Variants in TEX50 observed in about 807,000 individuals in gnomAD.
TEX50 encodes testis expressed 50, also known as testis-expressed protein 50.
A neutral mutation model predicts 9.8 loss-of-function variants in TEX50; 3 were observed. That is an observed-to-expected ratio of 0.31 (90% CI 0.14 to 0.79). TEX50 has a LOEUF of 0.79. TEX50 is among the 30% of genes least tolerant of loss of function. TEX50 has a pLI of 0.63. For synonymous variants in TEX50, 61 were observed against 72.1 expected, an observed-to-expected ratio of 0.85 and a Z score of 0.78; for missense variants, 164 against 199.3, an observed-to-expected ratio of 0.82 and a Z score of 1.07.
chr1:173,635,955 T>C (rs1315460893), intron 1 of TEX50, 110 bp downstream of exon 1: 9 of 756,818 alleles, frequency 1.2e-5, no homozygotes, highest in Non-Finnish European at 1.5e-5. Context: ...CATTGTAACC[T>C]TCCCCCAACT....
Position 173,637,045 on chromosome 1 carries a change from A to C in TEX50, c.*9A>C, listed in dbSNP as rs1283440772. On this transcript the variant is annotated 3_prime_UTR_variant, in exon 2 of 2. Coordinates refer to ENST00000417563, the MANE Select transcript of TEX50 (RefSeq NM_001195190.3). ...GAGCCAGAAGATACTAAATAAATGC[A>C]TATGCAAATGTAGCTTAGTCAATTA... 5 of 1,453,470 alleles carry C rather than the reference A, an allele frequency of 3.4e-6. No homozygotes were observed. The highest frequency in any genetic ancestry group is 2.8e-6 in the Non-Finnish European group (3 of 1,073,658). The allele number at this position is 1,453,470 out of a possible 1,614,324, so 90.0% of individuals were successfully genotyped here.
Position 173,637,079 on chromosome 1 carries a change from A to C in TEX50, c.*43A>C. 26 of 1,251,260 alleles carry C rather than the reference A, an allele frequency of 2.1e-5. No homozygotes were observed. Among genetic ancestry groups the C allele is most frequent in the Non-Finnish European group, 2.8e-5 (25 of 899,234 alleles). 77.5% of individuals were successfully genotyped at this position (1,251,260 alleles called of 1,614,324 possible). On this transcript the variant is annotated 3_prime_UTR_variant, in exon 2 of 2. Coordinates refer to ENST00000417563, the MANE Select transcript of TEX50 (RefSeq NM_001195190.3). ...TGTAGCTTAGTCAATTATAGATATC[A>C]CAAAAGAAATCTATCATCTAAGGAT...
rs975951545 is a variant in TEX50, at chr1:173,635,769, T to C, written c.248T>C (p.Leu83Ser). The C allele has an allele frequency of 2.0e-6, 3 of 1,535,460 alleles. No individual in the cohort carries two copies. The highest frequency in any genetic ancestry group is 2.6e-6 in the Non-Finnish European group (3 of 1,146,464). ...QGCLYLIYNL[L>S]QAVFFVLFVL... is the part of the protein sequence containing the mutation. ...TGTTTATATCTCATTTATAATTTATTACAAGCTGTCTTCTTCGTCTTATTT... is the reference window on the plus strand; with the variant it reads ...TGTTTATATCTCATTTATAATTTATCACAAGCTGTCTTCTTCGTCTTATTT... Residue 83 changes from leucine (L) to serine (S), a missense_variant, in exon 1 of 2, where the codon TTA becomes TCA. Transcript: ENST00000417563.
In TEX50 at chr1:173,635,545, G is replaced by A; in HGVS notation, c.24G>A (p.Leu8=). The A allele has an allele frequency of 6.5e-7, 1 of 1,531,340 alleles. No homozygotes were observed. The highest frequency in any genetic ancestry group is 8.7e-7 in the Non-Finnish European group (1 of 1,144,050). 94.9% of individuals were successfully genotyped at this position (1,531,340 alleles called of 1,614,324 possible). A position where few individuals can be genotyped will look rare whatever the true frequency, so the allele number is the denominator to read the frequency against. Residue 8 remains leucine (L), a synonymous_variant, in exon 1 of 2, where the codon CTG becomes CTA. Coordinates refer to ENST00000417563, the MANE Select transcript of TEX50 (RefSeq NM_001195190.3). MSNQRLP[L]IFSLLFICFF... ...GGATGTCTAATCAAAGACTACCGCT[G>A]ATTTTTTCTCTGTTGTTTATCTGCT...
In TEX50 at chr1:173,635,652, A is replaced by G. The variant is rs1331931336; in HGVS notation, c.131A>G (p.Tyr44Cys). The G allele has an allele frequency of 6.5e-7, 1 of 1,535,686 alleles. No individual in the cohort carries two copies. Among genetic ancestry groups the G allele is most frequent in the Non-Finnish European group, 8.7e-7 (1 of 1,146,612 alleles). Residue 44 changes from tyrosine (Y) to cysteine (C), a missense_variant, in exon 1 of 2, where the codon TAT (tyrosine) becomes TGT (cysteine). Around this residue, in one of 3 missense-constraint regions of TEX50, gnomAD observed 135 missense variants for 154.2 expected, o/e 0.88. Coordinates refer to ENST00000417563, the MANE Select transcript of TEX50 (RefSeq NM_001195190.3). ...GWEILPEEVH[Y>C]WKVKGSPSHC... ...GAGATTCTTCCAGAAGAAGTACATT[A>G]TTGGAAAGTTAAGGGTTCTCCATCT...
chr1:173,637,096 T>C lies in TEX50; in HGVS notation c.*60T>C. 1 of 1,176,002 alleles carries C rather than the reference T, an allele frequency of 8.5e-7. No individual in the cohort carries two copies. The highest frequency in any genetic ancestry group is 1.2e-6 in the Non-Finnish European group (1 of 842,744). The allele number at this position is 1,176,002 out of a possible 1,614,324, so 72.8% of individuals were successfully genotyped here. On this transcript the variant is annotated 3_prime_UTR_variant, in exon 2 of 2. Coordinates refer to ENST00000417563, the MANE Select transcript of TEX50 (RefSeq NM_001195190.3). ...TAGATATCACAAAAGAAATCTATCATCTAAGGATTAAAAATTGTTCTTTGG... is the reference window on the plus strand; with the variant it reads ...TAGATATCACAAAAGAAATCTATCACCTAAGGATTAAAAATTGTTCTTTGG...
rs1441747073 is a variant in TEX50, at chr1:173,636,810, T to C, written c.325-17T>C. On this transcript the variant is annotated splice_polypyrimidine_tract_variant and intron_variant, in intron 1 of 1. Transcript: ENST00000417563. ...TGTTTTATGTAGATAAAATCTGTAT[T>C]GTTTTTCTCCTTTTAGCTGAAAAAG... 2 of 1,513,388 alleles carry C rather than the reference T, an allele frequency of 1.3e-6. No individual in the cohort carries two copies. Among genetic ancestry groups the C allele is most frequent in the Non-Finnish European group, 1.8e-6 (2 of 1,127,138 alleles). 93.7% of individuals were successfully genotyped at this position (1,513,388 alleles called of 1,614,324 possible).
chr1:173,636,971 TC>T lies in TEX50; in HGVS notation c.470del (p.Ser157LeufsTer9), dbSNP rs1668474526. 2.0e-6 allele frequency: 3 copies of T among 1,535,654 alleles called. No homozygotes were observed. The highest frequency in any genetic ancestry group is 2.6e-6 in the Non-Finnish European group (3 of 1,146,682). ...GGAGCACAGGTCTCACCATCCTTCC[TC>T]TAAGAAAATTAAGCACTGCAAATTA... is the stretch of plus-strand genomic sequence containing the variant. The part of the protein sequence containing the change: ...IWEHRSHHPS[S>X]KKIKHCKLKK... On this transcript the variant is annotated frameshift_variant, in exon 2 of 2. Coordinates refer to ENST00000417563, the MANE Select transcript of TEX50 (RefSeq NM_001195190.3). LOFTEE classifies it low-confidence loss of function (END_TRUNC).
Position 173,635,635 on chromosome 1 carries a change from T to C in TEX50, c.114T>C (p.Leu38=). ...TVWTKVGWEI[L]PEEVHYWKVK... is the part of the protein sequence containing the mutation. ...GGACAAAGGTTGGATGGGAGATTCT[T>C]CCAGAAGAAGTACATTATTGGAAAG... Residue 38 remains leucine, a synonymous_variant, in exon 1 of 2, where the codon CTT becomes CTC. Coordinates refer to ENST00000417563, the MANE Select transcript of TEX50 (RefSeq NM_001195190.3). The C allele has an allele frequency of 1.3e-6, 2 of 1,535,694 alleles. No homozygotes were observed. The highest frequency in any genetic ancestry group is 1.4e-5 in the African/African-American group (1 of 73,144).
At chr1:173,636,617 T>C (rs1256214519) in intron 1 of TEX50, among the ~76,000 whole-genome samples, 1 of 152,208 alleles carries the variant, frequency 6.6e-6, no homozygotes, top group Admixed American at 6.5e-5. Context: ...GGATCATACA[T>C]GTGGCATATA....
chr1:173,635,876 C>A, intron 1 of TEX50, 31 bp downstream of exon 1: 1 of 1,430,466 alleles, frequency 7.0e-7, no homozygotes, highest in Non-Finnish European at 9.4e-7. Context: ...GTAATAGTTA[C>A]AAAATCTCTA....
chr1:173,635,504 T>A lies in TEX50; in HGVS notation c.-18T>A. On this transcript the variant is annotated 5_prime_UTR_variant, in exon 1 of 2. Transcript: ENST00000417563. ...ATAGCTAAATTTTAGCTACTTTTTT[T>A]TCAATTGACAAAGAAGGATGTCTAA... is the stretch of plus-strand genomic sequence containing the variant. 1 of 1,479,244 alleles carries A rather than the reference T, an allele frequency of 6.8e-7. No homozygotes were observed. The highest frequency in any genetic ancestry group is 8.9e-7 in the Non-Finnish European group (1 of 1,119,494). The allele number at this position is 1,479,244 out of a possible 1,614,324, so 91.6% of individuals were successfully genotyped here.
At position 173,635,796 on chromosome 1, in the gene TEX50, T is replaced by C. The variant is rs1218096055; in HGVS notation, c.275T>C (p.Val92Ala). Residue 92 changes from valine to alanine, a missense_variant, in exon 1 of 2, where the codon GTT becomes GCT. By Grantham distance (64) the Val-to-Ala change is moderately conservative (BLOSUM62 0). Around this residue, in one of 3 missense-constraint regions of TEX50, gnomAD observed 135 missense variants for 154.2 expected, o/e 0.88. Coordinates refer to ENST00000417563, the MANE Select transcript of TEX50 (RefSeq NM_001195190.3). ...LLQAVFFVLF[V>A]LSVHYLWKKW... is the part of the protein sequence containing the mutation. Reference sequence around the variant, plus strand: ...CAAGCTGTCTTCTTCGTCTTATTTGTTTTGTCTGTGCATTACCTGTGGAAG... The same window carrying C: ...CAAGCTGTCTTCTTCGTCTTATTTGCTTTGTCTGTGCATTACCTGTGGAAG... 2.6e-6 allele frequency: 4 copies of C among 1,535,388 alleles called. No homozygotes were observed. The highest frequency in any genetic ancestry group is 3.9e-5 in the Admixed American group (2 of 50,954).
rs1316444926 is a variant in TEX50 at position 173,635,513 on chromosome 1, CAAA to C, written c.-8_-6del. 1 of 1,481,608 alleles carries C rather than the reference CAAA, an allele frequency of 6.7e-7. No individual in the cohort carries two copies. Among genetic ancestry groups the C allele is most frequent in the South Asian group, 1.3e-5 (1 of 74,854 alleles). The allele number at this position is 1,481,608 out of a possible 1,614,324, so 91.8% of individuals were successfully genotyped here. A position where few individuals can be genotyped will look rare whatever the true frequency, so the allele number is the denominator to read the frequency against. Reference sequence around the variant, plus strand: ...TTTTAGCTACTTTTTTTTCAATTGACAAAGAAGGATGTCTAATCAAAGACTACC... The same window carrying C: ...TTTTAGCTACTTTTTTTTCAATTGACGAAGGATGTCTAATCAAAGACTACC... On this transcript the variant is annotated 5_prime_UTR_variant, in exon 1 of 2. Transcript: ENST00000417563.
rs58700869 is a variant in TEX50, at chr1:173,635,426, G to A, written c.-96G>A. 3,269 of 949,816 alleles carry A rather than the reference G, an allele frequency of 3.4e-3. 60 individuals are homozygous for A. In the African/African-American group the frequency reaches 0.04, roughly 12 times the overall value. 58.8% of individuals were successfully genotyped at this position (949,816 alleles called of 1,614,324 possible). On this transcript the variant is annotated 5_prime_UTR_variant, in exon 1 of 2. Transcript: ENST00000417563. ...CTCCTGGTATTTTCTGCTTCCCTTC[G>A]TAGGGAATTTAGTTATTTTATTTTA...
At chr1:173,636,155 G>A (rs1160106640) in intron 1 of TEX50, among the ~76,000 whole-genome samples, 1 of 152,106 alleles carries the variant, frequency 6.6e-6, no homozygotes, top group African/African-American at 2.4e-5. Context: ...GGGTCCTTAG[G>A]TAAGTCATTT....
In TEX50 at chr1:173,635,675, T is replaced by C; in HGVS notation, c.154T>C (p.Ser52Pro). 6.5e-7 allele frequency: 1 copy of C among 1,535,746 alleles called. No homozygotes were observed. The change falls in exon 1 of 2, where the codon TCT (serine) becomes CCT (proline). Residue 52 changes from serine to proline, a missense_variant. Around this residue, in one of 3 missense-constraint regions of TEX50, gnomAD observed 135 missense variants for 154.2 expected, o/e 0.88. Transcript: ENST00000417563. ...VHYWKVKGSP[S>P]HCLPYLLDKL... Reference sequence around the variant, plus strand: ...TTATTGGAAAGTTAAGGGTTCTCCATCTCACTGCCTGCCTTATCTTCTGGA... The same window carrying C: ...TTATTGGAAAGTTAAGGGTTCTCCACCTCACTGCCTGCCTTATCTTCTGGA...
intron 1 of TEX50, among the ~76,000 whole-genome samples, chr1:173,636,551 C>T (rs1354820983): frequency 6.6e-6 from 1 of 152,136 alleles, no homozygotes; most frequent in African/African-American, 2.4e-5. Context: ...CAAATAATTT[C>T]TCCCAAGAGA....
intron 1 of TEX50, among the ~76,000 whole-genome samples, chr1:173,636,217 T>C (rs909099023): frequency 6.6e-6 from 1 of 152,166 alleles, no homozygotes; most frequent in Non-Finnish European, 1.5e-5. Flanking sequence ...AGAGATCTCT[T>C]AGAACCCTTT....
Sources: gnomAD v4.1 joint callset for allele counts (sites outside exome capture counted in the v4.1 genomes callset) on GRCh38, gnomAD v4.1.1 for gene constraint, gnomAD v4.1.1 regional missense constraint, MANE v1.5 for transcripts, NCBI Gene and HGNC (gene_info 2026-07-23, HGNC 2026-07-21) for gene names.